BCAT1: variants seen among roughly 807,000 people sequenced by gnomAD.
BCAT1 encodes the protein branched chain amino acid transaminase 1.
Under a neutral mutation model 52.4 loss-of-function variants are expected in BCAT1, and 48 were observed. The observed-to-expected ratio is 0.92, with a 90% CI of 0.73 to 1.16. BCAT1 has a LOEUF of 1.16. BCAT1 is among the 50% of genes most tolerant of loss of function. The pLI is 0.00. For synonymous variants in BCAT1, 167 were observed against 161.3 expected (o/e 1.04, Z -0.27); for missense variants, 451 against 457.1 (o/e 0.99, Z 0.12).
At chr12:24,911,758 C>G (rs538251067) in intron 1 of BCAT1, among the ~76,000 whole-genome samples, 1 of 152,184 alleles carries the variant, frequency 6.6e-6, no homozygotes, top group South Asian at 2.1e-4. Flanking sequence ...AGGGAGGAAA[C>G]CCTAAGCGTG....
rs528218108 is a variant in BCAT1, at chr12:24,881,191, T to C, written c.390+110A>G. 7.9e-6 allele frequency: 6 copies of C among 759,744 alleles called. No individual in the cohort carries two copies. In the African/African-American group the frequency reaches 8.9e-5, roughly 11 times the overall value. The allele number at this position is 759,744 out of a possible 1,614,324, so 47.1% of individuals were successfully genotyped here. A position where few individuals can be genotyped will look rare whatever the true frequency, so the allele number is the denominator to read the frequency against. On this transcript the variant is annotated intron_variant, in intron 4 of 10. Coordinates refer to ENST00000261192, the MANE Select transcript of BCAT1 (RefSeq NM_005504.7). ...ATCAGAAATAATGTTAATGTTCATA[T>C]GGTTTGTACTGAATATTTATCTAAC...
chr12:24,928,795 G>A (rs1943635064), intron 1 of BCAT1, among the ~76,000 whole-genome samples: 1 of 151,944 alleles, frequency 6.6e-6, no homozygotes, highest in African/African-American at 2.4e-5. Flanking sequence ...GAGTGCAATG[G>A]TGCAATCTCA....
At chr12:24,877,481 G>T (rs1942379909) in intron 5 of BCAT1, among the ~76,000 whole-genome samples, 1 of 152,144 alleles carries the variant, frequency 6.6e-6, no homozygotes, top group South Asian at 2.1e-4. Flanking sequence ...ATTCACAAGG[G>T]CACCCAACCA....
intron 2 of BCAT1, among the ~76,000 whole-genome samples, chr12:24,898,243 C>T (rs192554282): frequency 1.3e-5 from 2 of 152,226 alleles, no homozygotes; most frequent in Admixed American, 1.3e-4. Flanking sequence ...CTTTCTTCTG[C>T]ATAATTAATC....
intron 1 of BCAT1, among the ~76,000 whole-genome samples, chr12:24,929,758 C>T (rs941311500): frequency 6.6e-6 from 1 of 152,118 alleles, no homozygotes; most frequent in African/African-American, 2.4e-5. Flanking sequence ...CTCAATAAGC[C>T]CCAAGCCCTG....
intron 3 of BCAT1, 120 bp downstream of exon 3, chr12:24,894,155 G>A: frequency 1.1e-6 from 1 of 900,778 alleles, no homozygotes; most frequent in East Asian, 2.8e-5. Flanking sequence ...GACATTTTCG[G>A]CTTCCTCTGG....
chr12:24,936,345 G>A (rs907675137), intron 1 of BCAT1, among the ~76,000 whole-genome samples: 1 of 152,166 alleles, frequency 6.6e-6, no homozygotes, highest in Non-Finnish European at 1.5e-5. Context: ...TGATTCTCCT[G>A]CCCCAGCTTC....
chr12:24,851,302 A>T (rs557629597), intron 5 of BCAT1, among the ~76,000 whole-genome samples: 5 of 152,314 alleles, frequency 3.3e-5, no homozygotes, highest in Admixed American at 6.5e-5. Context: ...AGAAGACTCA[A>T]CTTCAGCTGA....
In BCAT1 at chr12:24,928,214, A is replaced by G. The variant is rs563969479; in HGVS notation, c.6+20713T>C. On this transcript the variant is annotated intron_variant, in intron 1 of 10. Transcript: ENST00000261192. ...TAGGTTATAGATTCACTCTCTTCTCATCGTTCTAGTTCTGTAAATGACTAG... is the reference window on the plus strand; with the variant it reads ...TAGGTTATAGATTCACTCTCTTCTCGTCGTTCTAGTTCTGTAAATGACTAG... 8.5e-5 allele frequency among the ~76,000 whole-genome samples: 13 copies of G among 152,324 alleles called. No individual in the cohort carries two copies. In the South Asian group the frequency reaches 1.7e-3, roughly 19 times the overall value.
intron 1 of BCAT1, among the ~76,000 whole-genome samples, chr12:24,922,192 T>C (rs1220760761): frequency 6.6e-6 from 1 of 152,194 alleles, no homozygotes; most frequent in Non-Finnish European, 1.5e-5. Flanking sequence ...CTCATTACAT[T>C]GTCCAGGCTG....
chr12:24,872,308 G>T (rs1942203466), intron 5 of BCAT1, among the ~76,000 whole-genome samples: 1 of 152,204 alleles, frequency 6.6e-6, no homozygotes. Flanking sequence ...AGAAATGAAG[G>T]AGTGAATCAT....
At chr12:24,931,271 G>A (rs1298908212) in intron 1 of BCAT1, among the ~76,000 whole-genome samples, 1 of 151,932 alleles carries the variant, frequency 6.6e-6, no homozygotes, top group East Asian at 1.9e-4. Context: ...AAAATTCAGG[G>A]GAAAGGCTGA....
intron 2 of BCAT1, among the ~76,000 whole-genome samples, chr12:24,895,878 C>T (rs1270394567): frequency 6.6e-6 from 1 of 152,100 alleles, no homozygotes; most frequent in African/African-American, 2.4e-5. Context: ...AAACAGAAAG[C>T]TCATATTACA....
chr12:24,928,510 C>T (rs910423869), intron 1 of BCAT1, among the ~76,000 whole-genome samples: 2 of 151,418 alleles, frequency 1.3e-5, no homozygotes, highest in African/African-American at 4.9e-5. Flanking sequence ...TGTGGTGGCA[C>T]ATGACTGTGG....
At chr12:24,896,381 C>T (rs1266705553) in intron 2 of BCAT1, among the ~76,000 whole-genome samples, 1 of 152,178 alleles carries the variant, frequency 6.6e-6, no homozygotes, top group African/African-American at 2.4e-5. Flanking sequence ...AACATAGTCA[C>T]GCCATTCTTG....
At chr12:24,947,166 T>A (rs1943943760) in intron 1 of BCAT1, among the ~76,000 whole-genome samples, 1 of 92,486 alleles carries the variant, frequency 1.1e-5, no homozygotes, top group South Asian at 3.6e-4. Context: ...CCGTCTTCCC[T>A]CCACACACAC....
chr12:24,874,298 A>G (rs1228966157), intron 5 of BCAT1, among the ~76,000 whole-genome samples: 1 of 152,240 alleles, frequency 6.6e-6, no homozygotes, highest in Non-Finnish European at 1.5e-5. Flanking sequence ...TGGGCAACCA[A>G]GCGAGACTCT....
At chr12:24,853,268 TA>T (rs1381181448) in intron 5 of BCAT1, among the ~76,000 whole-genome samples, 2 of 152,092 alleles carry the variant, frequency 1.3e-5, no homozygotes, top group African/African-American at 4.8e-5. Flanking sequence ...TATGCAGCCA[TA>T]AAAAAGAATG....
intron 1 of BCAT1, among the ~76,000 whole-genome samples, chr12:24,907,699 G>A (rs1943248473): frequency 6.6e-6 from 1 of 152,072 alleles, no homozygotes. Flanking sequence ...ATCCTTCCCT[G>A]CCCTTAAGGT....
Sources: gnomAD v4.1 joint callset for allele counts (sites outside exome capture counted in the v4.1 genomes callset) on GRCh38, gnomAD v4.1.1 for gene constraint, MANE v1.5 for transcripts, NCBI Gene and HGNC (gene_info 2026-07-23, HGNC 2026-07-21) for gene names.